FRMD4B: variants seen among roughly 807,000 people sequenced by gnomAD.
The protein encoded by FRMD4B is FERM domain containing 4B, also known as FERM domain-containing protein 4B.
FRMD4B carries 74 observed loss-of-function variants against 141.5 expected under a neutral mutation model. The observed-to-expected ratio is 0.52, with a 90% confidence interval of 0.43 to 0.63. FRMD4B has a LOEUF of 0.63. Among genes scored for constraint, FRMD4B ranks in the 30% least tolerant of loss-of-function variants. The pLI is 0.00. For missense variants in FRMD4B, 1,366 were observed against 1,253.4 expected, an observed-to-expected ratio of 1.09 and a Z score of -1.36; for synonymous variants, 506 against 467.9, an observed-to-expected ratio of 1.08 and a Z score of -1.05.
chr3:69,186,846 G>A (rs927026788), intron 19 of FRMD4B, among the ~76,000 whole-genome samples: 3 of 152,180 alleles, frequency 2.0e-5, no homozygotes, highest in Admixed American at 6.5e-5. Flanking sequence ...GCCTGTGTTT[G>A]AAAATTTCTT....
chr3:69,387,664 A>G (rs1032653416), upstream of FRMD4B, among the ~76,000 whole-genome samples: 13 of 152,240 alleles, frequency 8.5e-5, no homozygotes, highest in African/African-American at 2.9e-4. Flanking sequence ...GCTTGATTTC[A>G]GGTATCAAAT....
chr3:69,169,376 C>CT lies in FRMD4B; in HGVS notation c.*2484dup, dbSNP rs56190794. Among the ~76,000 whole-genome samples, 36 of 93,826 alleles carry CT rather than the reference C, an allele frequency of 3.8e-4. No homozygotes were observed. The highest frequency in any genetic ancestry group is 5.2e-4 in the Non-Finnish European group (26 of 50,352). 61.6% of individuals were successfully genotyped at this position (93,826 alleles called of 152,430 possible). ...TTCTTTTTTTTTTTTTTTTTTTTTT[C>CT]TTGAGACAAGGTCTGTTATTGCCTA... is the stretch of plus-strand genomic sequence containing the variant. On this transcript the variant is annotated 3_prime_UTR_variant, in exon 23 of 23. Coordinates refer to ENST00000398540, the MANE Select transcript of FRMD4B (RefSeq NM_015123.3).
chr3:69,536,331 G>T, intron 1 of FRMD4B: 1 of 661,150 alleles, frequency 1.5e-6, no homozygotes, highest in Non-Finnish European at 2.8e-6. Context: ...ATTTGAAGCT[G>T]CCAGTGGCCC....
intron 1 of FRMD4B, among the ~76,000 whole-genome samples, chr3:69,534,464 C>G (rs998684509): frequency 6.6e-6 from 1 of 152,212 alleles, no homozygotes; most frequent in Non-Finnish European, 1.5e-5. Context: ...AAACACAGCT[C>G]TAGACTTTTT....
Position 69,520,050 on chromosome 3 carries a change from C to CAT in FRMD4B, c.-129+22154_-129+22155dup, listed in dbSNP as rs1211653051. Among the ~76,000 whole-genome samples, 12 of 76,578 alleles carry CAT rather than the reference C, an allele frequency of 1.6e-4. No homozygotes were observed. The South Asian group carries it at 3.3e-3, about 21-fold the overall frequency. The allele number at this position is 76,578 out of a possible 152,430, so 50.2% of individuals were successfully genotyped here. On this transcript the variant is annotated intron_variant, in intron 1 of 5. Transcript: ENST00000459638. ...TTCCATCATATATATATATTCCATC[C>CAT]ATATATATATATGATGGAATATATA...
At chr3:69,379,489 G>T (rs1479315629) in intron 1 of FRMD4B, among the ~76,000 whole-genome samples, 11 of 152,140 alleles carry the variant, frequency 7.2e-5, no homozygotes, top group Non-Finnish European at 1.5e-5. Flanking sequence ...ATGTTGCCCA[G>T]GCTGGTCTCA....
rs114775383 is a variant in FRMD4B, at chr3:69,233,325, T to C, written c.582-8635A>G. On this transcript the variant is annotated intron_variant, in intron 7 of 22. Coordinates refer to ENST00000398540, the MANE Select transcript of FRMD4B (RefSeq NM_015123.3). ...GGTGAAACCTTGTCTCTATGAACAA[T>C]ACAGAAAAATTAGTTGGGTGGGGTG... 4.0e-3 allele frequency among the ~76,000 whole-genome samples: 610 copies of C among 151,560 alleles called. 7 individuals carry two copies. Among genetic ancestry groups the C allele is most frequent in the African/African-American group, 0.014 (579 of 41,304 alleles).
chr3:69,348,833 C>T (rs1703037049), intron 1 of FRMD4B, among the ~76,000 whole-genome samples: 1 of 152,156 alleles, frequency 6.6e-6, no homozygotes, highest in African/African-American at 2.4e-5. Context: ...TGGGATGTAT[C>T]TCAAAATAAT....
chr3:69,387,704 C>G (rs1007772161), upstream of FRMD4B, among the ~76,000 whole-genome samples: 4 of 152,202 alleles, frequency 2.6e-5, no homozygotes, highest in Non-Finnish European at 5.9e-5. Context: ...TCAGGTGAAA[C>G]TCAATCAGTC....
intron 1 of FRMD4B, chr3:69,536,006 G>A: frequency 5.2e-6 from 2 of 387,700 alleles, no homozygotes; most frequent in Admixed American, 3.7e-5. Flanking sequence ...TACTAAGCCC[G>A]CTGGCACTGG....
intron 2 of FRMD4B, chr3:69,432,517 C>T (rs1483640764): frequency 6.6e-6 from 1 of 152,162 alleles, no homozygotes; most frequent in Non-Finnish European, 1.5e-5. Context: ...ATATAACATC[C>T]TGTCCAAGCC....
At chr3:69,228,298 T>C (rs1003403556) in intron 7 of FRMD4B, 7 of 456,544 alleles carry the variant, frequency 1.5e-5, no homozygotes, top group South Asian at 1.1e-4. Flanking sequence ...TTACAGAATT[T>C]TTCTCTTATG....
At position 69,249,229 on chromosome 3, in the gene FRMD4B, G is replaced by A. The variant is rs765995914; in HGVS notation, c.578C>T (p.Thr193Ile). The A allele has an allele frequency of 1.7e-5, 26 of 1,567,824 alleles. No homozygotes were observed. Among genetic ancestry groups the A allele is most frequent in the Admixed American group, 6.9e-5 (4 of 58,264 alleles). The stretch of plus-strand genomic sequence containing the variant: ...TATCAGAAAAGAAAAGCATTACCTG[G>A]TATAATCTCCCTTGGCTTCCTAAAA... ...FILQEAKGDY[T>I]SDENARKDLK... Residue 193 changes from threonine to isoleucine, a missense_variant, in exon 7 of 23, where the codon ACC becomes ATC. Physicochemically the swap from Thr to Ile is moderately conservative, Grantham distance 89. Transcript: ENST00000398540.
chr3:69,265,250 A>T (rs1250689846), intron 5 of FRMD4B, among the ~76,000 whole-genome samples: 3 of 36,416 alleles, frequency 8.2e-5, no homozygotes, highest in African/African-American at 3.3e-4. Flanking sequence ...GCGAGACTCC[A>T]TCTCAAAAAA....
At chr3:69,474,072 G>C (rs1329158661) in intron 1 of FRMD4B, among the ~76,000 whole-genome samples, 1 of 152,162 alleles carries the variant, frequency 6.6e-6, no homozygotes, top group Non-Finnish European at 1.5e-5. Flanking sequence ...ATGCCCAAGG[G>C]ATGGTAAAGC....
intron 1 of FRMD4B, among the ~76,000 whole-genome samples, chr3:69,534,073 A>G (rs1701045958): frequency 6.6e-6 from 1 of 152,234 alleles, no homozygotes; most frequent in African/African-American, 2.4e-5. Flanking sequence ...GCCCCGTACC[A>G]GATCTACTGA....
At chr3:69,323,585 C>G (rs919820010) in intron 1 of FRMD4B, among the ~76,000 whole-genome samples, 2 of 132,968 alleles carry the variant, frequency 1.5e-5, no homozygotes, top group South Asian at 2.5e-4. Flanking sequence ...AACAAAAACC[C>G]AACTCTCTCT....
intron 1 of FRMD4B, among the ~76,000 whole-genome samples, chr3:69,463,124 C>T (rs540186370): frequency 6.6e-6 from 1 of 152,206 alleles, no homozygotes. Context: ...TGTGACCCAC[C>T]CTTGCATCCA....
chr3:69,353,063 T>A (rs1018440987), intron 1 of FRMD4B, among the ~76,000 whole-genome samples: 1 of 147,464 alleles, frequency 6.8e-6, no homozygotes, highest in African/African-American at 2.5e-5. Flanking sequence ...CTTTTCTACA[T>A]CCATAAAGAA....
Sources: allele counts gnomAD v4.1 joint callset (sites outside exome capture counted in the v4.1 genomes callset), GRCh38; gene constraint gnomAD v4.1.1; transcripts MANE v1.5; gene names NCBI Gene and HGNC (gene_info 2026-07-23, HGNC 2026-07-21).